Variants in SKAP1 observed in about 807,000 individuals in gnomAD.
The protein encoded by SKAP1 is src kinase-associated phosphoprotein 1.
Under a neutral mutation model 58.5 loss-of-function variants are expected in SKAP1, and 44 were observed. That is an observed-to-expected ratio of 0.75 (90% CI 0.59 to 0.97). The LOEUF (loss-of-function observed/expected upper bound fraction) is 0.97, where lower values mean the gene tolerates loss of function less well. Among genes scored for constraint, SKAP1 ranks in the 50% least tolerant of loss-of-function variants. SKAP1 has a pLI of 0.00. For synonymous variants in SKAP1, 127 were observed against 149.7 expected (o/e 0.85, Z 1.11); for missense variants, 390 against 435.2 (o/e 0.90, Z 0.92).
chr17:48,216,485 G>A (rs1283067776), intron 4 of SKAP1, among the ~76,000 whole-genome samples: 3 of 149,484 alleles, frequency 2.0e-5, no homozygotes, highest in Non-Finnish European at 4.4e-5. Flanking sequence ...ACCCAATACT[G>A]TGAATATACT....
In SKAP1 at chr17:48,270,866, A is replaced by C. The variant is rs956749061; in HGVS notation, c.280+75039T>G. Among the ~76,000 whole-genome samples, 6 of 151,798 alleles carry C rather than the reference A, an allele frequency of 4.0e-5. No homozygotes were observed. In the South Asian group the frequency reaches 1.0e-3, roughly 26 times the overall value. ...ATACATAGGTTGTTTCCAAATTTGCACTATAATTATTAATGCTGGAATTCA... is the reference window on the plus strand; with the variant it reads ...ATACATAGGTTGTTTCCAAATTTGCCCTATAATTATTAATGCTGGAATTCA... On this transcript the variant is annotated intron_variant, in intron 4 of 12. Coordinates refer to ENST00000336915, the MANE Select transcript of SKAP1 (RefSeq NM_003726.4).
At chr17:48,439,288 C>A in the SKAP1 span, among the ~76,000 whole-genome samples, 2 of 152,196 alleles carry the variant, frequency 1.3e-5, no homozygotes, top group African/African-American at 2.4e-5. Flanking sequence ...ATATTCCAAT[C>A]AAAGCCTGTT....
At chr17:48,303,562 A>G (rs2066091525) in intron 4 of SKAP1, among the ~76,000 whole-genome samples, 1 of 152,216 alleles carries the variant, frequency 6.6e-6, no homozygotes, top group Non-Finnish European at 1.5e-5. Context: ...TTGAACACAC[A>G]TAAAGGAGGC....
At chr17:48,221,493 A>G (rs1247822106) in intron 4 of SKAP1, among the ~76,000 whole-genome samples, 1 of 152,220 alleles carries the variant, frequency 6.6e-6, no homozygotes, top group East Asian at 1.9e-4. Context: ...TAAAAATCCT[A>G]GAGAAATTAC....
chr17:48,155,105 C>CATG (rs1201674639), intron 11 of SKAP1, among the ~76,000 whole-genome samples: 217 of 150,614 alleles, frequency 1.4e-3, no homozygotes, highest in African/African-American at 4.5e-3. Context: ...GTGGAACAAG[C>CATG]ATGATGATGA....
chr17:48,197,382 C>T (rs1402542746), intron 4 of SKAP1, among the ~76,000 whole-genome samples: 2 of 151,404 alleles, frequency 1.3e-5, no homozygotes, highest in African/African-American at 2.4e-5. Flanking sequence ...AAATCTTGGA[C>T]ATGATTTACT....
At chr17:48,279,913 A>T (rs1310118651) in intron 4 of SKAP1, among the ~76,000 whole-genome samples, 1 of 152,168 alleles carries the variant, frequency 6.6e-6, no homozygotes, top group Non-Finnish European at 1.5e-5. Flanking sequence ...TAAGGCCAGC[A>T]TTTAACCCAA....
chr17:48,151,867 T>C (rs1044821954), intron 11 of SKAP1, among the ~76,000 whole-genome samples: 2 of 152,196 alleles, frequency 1.3e-5, no homozygotes, highest in African/African-American at 4.8e-5. Context: ...AATATTAATG[T>C]TTCCTTAATG....
At chr17:48,229,386 C>T (rs1004906618) in intron 4 of SKAP1, among the ~76,000 whole-genome samples, 2 of 151,980 alleles carry the variant, frequency 1.3e-5, no homozygotes, top group African/African-American at 2.4e-5. Flanking sequence ...TTTGGGAGGA[C>T]GAGGTGGGCA....
rs576491213 is a variant in SKAP1, at chr17:48,155,231, G to A, written c.978+7238C>T. On this transcript the variant is annotated intron_variant, in intron 11 of 12. Transcript: ENST00000336915. ...CAACCACTGCCTCCCGGGTTCAAGC[G>A]AGTCTCCTGCCTCAGCTTCCCTAGT... Among the ~76,000 whole-genome samples, 4 of 151,458 alleles carry A rather than the reference G, an allele frequency of 2.6e-5. No individual in the cohort carries two copies. In the East Asian group the frequency reaches 6.2e-4, roughly 23 times the overall value.
chr17:48,321,118 C>A (rs886848423), intron 4 of SKAP1, among the ~76,000 whole-genome samples: 1 of 152,084 alleles, frequency 6.6e-6, no homozygotes, highest in African/African-American at 2.4e-5. Flanking sequence ...ACTCAGCTAA[C>A]CAAGAATCTC....
At chr17:48,221,835 C>T (rs917201341) in intron 4 of SKAP1, among the ~76,000 whole-genome samples, 2 of 152,184 alleles carry the variant, frequency 1.3e-5, no homozygotes, top group Non-Finnish European at 2.9e-5. Flanking sequence ...GAGAGCACTG[C>T]ATGTTTTAAG....
rs1244278581 is a variant in SKAP1, at chr17:48,410,874, C to A, written c.47-14089G>T. Among the ~76,000 whole-genome samples the A allele has an allele frequency of 2.2e-5, 3 of 138,770 alleles. No individual in the cohort carries two copies. The Admixed American group carries it at 2.5e-4, about 11-fold the overall frequency. 91.0% of individuals were successfully genotyped at this position (138,770 alleles called of 152,430 possible). On this transcript the variant is annotated intron_variant, in intron 1 of 12. Transcript: ENST00000336915. Reference sequence around the variant, plus strand: ...CCCAGGAGGTGGAGGTTGCAGTGAGCCAAGATCACACCACTGCACTTTAGC... The same window carrying A: ...CCCAGGAGGTGGAGGTTGCAGTGAGACAAGATCACACCACTGCACTTTAGC...
chr17:48,393,771 T>C (rs1021691998), intron 2 of SKAP1, among the ~76,000 whole-genome samples: 1 of 152,032 alleles, frequency 6.6e-6, no homozygotes, highest in Non-Finnish European at 1.5e-5. Flanking sequence ...AATATATATA[T>C]ATGTGTGTGT....
At chr17:48,377,719 T>G (rs1471546775) in intron 2 of SKAP1, among the ~76,000 whole-genome samples, 2 of 152,192 alleles carry the variant, frequency 1.3e-5, no homozygotes, top group Non-Finnish European at 2.9e-5. Context: ...TTAGGATTTT[T>G]CTAGGCTTGT....
chr17:48,418,888 G>A (rs1466803289), intron 1 of SKAP1, among the ~76,000 whole-genome samples: 1 of 152,168 alleles, frequency 6.6e-6, no homozygotes, highest in Non-Finnish European at 1.5e-5. Flanking sequence ...ATTAGCTCTG[G>A]GAGGGAATAC....
At chr17:48,232,524 T>C (rs1359695985) in intron 4 of SKAP1, among the ~76,000 whole-genome samples, 1 of 152,210 alleles carries the variant, frequency 6.6e-6, no homozygotes, top group African/African-American at 2.4e-5. Flanking sequence ...TTCCATTGTG[T>C]ATTTTACAGG....
At chr17:48,202,743 G>C (rs909131793) in intron 4 of SKAP1, among the ~76,000 whole-genome samples, 4 of 151,962 alleles carry the variant, frequency 2.6e-5, no homozygotes, top group African/African-American at 9.7e-5. Context: ...TATTTGCACA[G>C]CTCATTAACT....
chr17:48,357,052 G>A (rs912053524), intron 3 of SKAP1, among the ~76,000 whole-genome samples: 4 of 151,970 alleles, frequency 2.6e-5, no homozygotes, highest in Non-Finnish European at 4.4e-5. Flanking sequence ...CCATTAAATG[G>A]GTGTATGTTT....
Sources: allele counts gnomAD v4.1 joint callset (sites outside exome capture counted in the v4.1 genomes callset), GRCh38; gene constraint gnomAD v4.1.1; transcripts MANE v1.5; gene names NCBI Gene and HGNC (gene_info 2026-07-23, HGNC 2026-07-21).